The following FAM20C variants were observed in gnomAD, a reference collection of about 807,000 sequenced individuals.
FAM20C encodes extracellular serine/threonine protein kinase FAM20C.
In FAM20C, 40 loss-of-function variants were observed where a neutral mutation model predicts 51.5. The ratio of observed to expected loss-of-function variants is 0.78; its 90% CI spans 0.60 to 1.01. FAM20C has a LOEUF of 1.01. FAM20C is among the 50% of genes least tolerant of loss of function. The pLI, the probability that FAM20C is intolerant of heterozygous loss-of-function variation, is 0.00. For synonymous variants in FAM20C, 406 were observed against 380.6 expected (o/e 1.07, Z -0.78); for missense variants, 861 against 844.7 (o/e 1.02, Z -0.24).
intron 3 of FAM20C, among the ~76,000 whole-genome samples, chr7:230,687 A>T (rs1212900974): frequency 6.6e-6 from 1 of 152,230 alleles, no homozygotes; most frequent in Non-Finnish European, 1.5e-5. Flanking sequence ...AGCTCTGAGG[A>T]TAGAGCCTGG....
At chr7:253,789 C>T (rs1788491687) in intron 5 of FAM20C, among the ~76,000 whole-genome samples, 2 of 152,226 alleles carry the variant, frequency 1.3e-5, no homozygotes, top group African/African-American at 4.8e-5. Flanking sequence ...GGCTGTGGGC[C>T]CGAGAAATGC....
rs997708166 is a variant in FAM20C, at chr7:259,881, C to A, written c.1656C>A (p.Val552=). The A allele has an allele frequency of 2.0e-6, 3 of 1,536,056 alleles. No individual in the cohort carries two copies. The highest frequency in any genetic ancestry group is 2.6e-6 in the Non-Finnish European group (3 of 1,146,720). The change falls in exon 10 of 10, where the codon GTC becomes GTA. Residue 552 remains valine (V), a synonymous_variant. Coordinates refer to ENST00000313766, the MANE Select transcript of FAM20C (RefSeq NM_020223.4). ...AGGCCCTGGACCGGCGGCTCCGCGT[C>A]GTGCTAAAGGCCGTCCGGGACTGCG... ...HLEALDRRLR[V]VLKAVRDCVE... is the part of the protein sequence containing the mutation.
intron 3 of FAM20C, among the ~76,000 whole-genome samples, chr7:210,874 G>C (rs935919683): frequency 2.6e-5 from 4 of 152,172 alleles, no homozygotes; most frequent in African/African-American, 9.7e-5. Context: ...CAGGCCCTGC[G>C]GGAACCGGCG....
At position 193,171 on chromosome 7, in the gene FAM20C, G is replaced by A. The variant is rs367948898; in HGVS notation, c.-29G>A. 23 of 1,433,476 alleles carry A rather than the reference G, an allele frequency of 1.6e-5. No individual in the cohort carries two copies. The highest frequency in any genetic ancestry group is 2.0e-5 in the Non-Finnish European group (22 of 1,086,798). The allele number at this position is 1,433,476 out of a possible 1,614,324, so 88.8% of individuals were successfully genotyped here. A position where few individuals can be genotyped will look rare whatever the true frequency, so the allele number is the denominator to read the frequency against. ...CTAGAGGGGCGCGCGGGCAGAACGC[G>A]CTCCAGGCCCGGGCCGGCCCGCGCG... On this transcript the variant is annotated 5_prime_UTR_variant, in exon 1 of 10. Coordinates refer to ENST00000313766, the MANE Select transcript of FAM20C (RefSeq NM_020223.4).
intron 3 of FAM20C, among the ~76,000 whole-genome samples, chr7:235,643 T>C (rs1173810723): frequency 2.6e-5 from 4 of 152,206 alleles, no homozygotes; most frequent in Non-Finnish European, 5.9e-5. Context: ...CGCCGTCTCC[T>C]CCCGCTCGGG....
At chr7:233,630 G>A (rs969658634) in intron 3 of FAM20C, among the ~76,000 whole-genome samples, 1 of 152,146 alleles carries the variant, frequency 6.6e-6, no homozygotes, top group African/African-American at 2.4e-5. Flanking sequence ...CCTGAGAGCC[G>A]GCCGCGCAGC....
At chr7:220,467 C>T (rs527538667) in intron 3 of FAM20C, among the ~76,000 whole-genome samples, 5 of 152,274 alleles carry the variant, frequency 3.3e-5, no homozygotes, top group South Asian at 4.1e-4. Flanking sequence ...AGGGGTGATG[C>T]GTGGAGGGAC....
At chr7:252,622 A>G (rs1464480353) in intron 5 of FAM20C, among the ~76,000 whole-genome samples, 3 of 152,238 alleles carry the variant, frequency 2.0e-5, no homozygotes, top group African/African-American at 7.2e-5. Flanking sequence ...GAAAAGGGAA[A>G]ATCCCATCAG....
At chr7:216,872 C>G (rs1008896066) in intron 3 of FAM20C, among the ~76,000 whole-genome samples, 2 of 152,132 alleles carry the variant, frequency 1.3e-5, no homozygotes, top group African/African-American at 2.4e-5. Flanking sequence ...CTTTAGCCCT[C>G]CTTCCGGGCT....
intron 3 of FAM20C, among the ~76,000 whole-genome samples, chr7:211,814 G>A (rs1786729497): frequency 6.6e-6 from 1 of 152,252 alleles, no homozygotes; most frequent in South Asian, 2.1e-4. Flanking sequence ...TCCAGAGGCT[G>A]GTCCGGGACT....
At chr7:257,254 C>A in intron 8 of FAM20C, 168 bp downstream of exon 8, 1 of 709,686 alleles carries the variant, frequency 1.4e-6, no homozygotes, top group Non-Finnish European at 2.3e-6. Flanking sequence ...CCCCAGGCCC[C>A]AACCAGGAGG....
At chr7:210,050 C>T (rs926963090) in intron 3 of FAM20C, among the ~76,000 whole-genome samples, 8 of 152,150 alleles carry the variant, frequency 5.3e-5, no homozygotes, top group African/African-American at 7.2e-5. Context: ...TGCCTGAGCC[C>T]GGGCCGAGGG....
At chr7:207,129 C>G (rs28587099) in intron 2 of FAM20C, among the ~76,000 whole-genome samples, 5,455 of 6,668 alleles carry the variant, frequency 0.82, 2,347 homozygotes, top group East Asian at 0.91. Flanking sequence ...TCCACTGTGA[C>G]GCGTCGGTCA....
intron 3 of FAM20C, among the ~76,000 whole-genome samples, chr7:213,578 C>G (rs889859943): frequency 1.2e-4 from 19 of 152,026 alleles, no homozygotes; most frequent in African/African-American, 4.4e-4. Context: ...TGTTGACGGG[C>G]ATTTGAGTTG....
intron 3 of FAM20C, among the ~76,000 whole-genome samples, chr7:231,679 A>C (rs1272097163): frequency 6.6e-6 from 1 of 152,176 alleles, no homozygotes; most frequent in Non-Finnish European, 1.5e-5. Flanking sequence ...CCTTAGGCAC[A>C]GAGGAGCATC....
chr7:218,026 G>A (rs1787085347), intron 3 of FAM20C, among the ~76,000 whole-genome samples: 1 of 152,188 alleles, frequency 6.6e-6, no homozygotes, highest in Non-Finnish European at 1.5e-5. Flanking sequence ...TTTGTTAGCA[G>A]GACGTGTGAG....
rs112078348 is a variant in FAM20C at position 220,269 on chromosome 7, C to A, written c.863+11293C>A. Reference sequence around the variant, plus strand: ...TCCCTTATAAACTCAGGAAATTAGGCCCTTGAGCAGAGGCCAAGTCCATTC... The same window carrying A: ...TCCCTTATAAACTCAGGAAATTAGGACCTTGAGCAGAGGCCAAGTCCATTC... On this transcript the variant is annotated intron_variant, in intron 3 of 9. Transcript: ENST00000313766. Among the ~76,000 whole-genome samples, 37 of 152,272 alleles carry A rather than the reference C, an allele frequency of 2.4e-4. 1 individual carries two copies. The highest frequency in any genetic ancestry group is 8.4e-4 in the African/African-American group (35 of 41,540).
At position 193,185 on chromosome 7, in the gene FAM20C, C is replaced by A; in HGVS notation, c.-15C>A. The A allele has an allele frequency of 2.8e-6, 4 of 1,450,030 alleles. No individual in the cohort carries two copies. The highest frequency in any genetic ancestry group is 3.7e-6 in the Non-Finnish European group (4 of 1,095,376). The allele number at this position is 1,450,030 out of a possible 1,614,324, so 89.8% of individuals were successfully genotyped here. On this transcript the variant is annotated 5_prime_UTR_variant, in exon 1 of 10. Transcript: ENST00000313766. ...GGGCAGAACGCGCTCCAGGCCCGGG[C>A]CGGCCCGCGCGGCCATGAAGATGAT...
intron 3 of FAM20C, among the ~76,000 whole-genome samples, chr7:216,795 A>C (rs1462610998): frequency 1.3e-5 from 2 of 152,012 alleles, no homozygotes; most frequent in Non-Finnish European, 2.9e-5. Context: ...CTCCCAGCCA[A>C]GACACATGAA....
Sources: allele counts gnomAD v4.1 joint callset (sites outside exome capture counted in the v4.1 genomes callset), GRCh38; gene constraint gnomAD v4.1.1; transcripts MANE v1.5; gene names NCBI Gene and HGNC (gene_info 2026-07-23, HGNC 2026-07-21).